The following ANKRD6 variants were observed in gnomAD, a reference collection of about 807,000 sequenced individuals.
The protein encoded by ANKRD6 is ankyrin repeat domain 6.
ANKRD6 carries 56 observed loss-of-function variants against 82.3 expected under a neutral mutation model. That is an observed-to-expected ratio of 0.68 (90% CI 0.55 to 0.85). The LOEUF (loss-of-function observed/expected upper bound fraction) is 0.85. ANKRD6 is among the 40% of genes least tolerant of loss of function. ANKRD6 has a pLI of 0.00. For synonymous variants in ANKRD6, 347 were observed against 352.1 expected (o/e 0.99, Z 0.16); for missense variants, 852 against 907.6 (o/e 0.94, Z 0.79).
intron 1 of ANKRD6, among the ~76,000 whole-genome samples, chr6:89,551,771 C>T (rs999350248): frequency 6.6e-6 from 1 of 152,206 alleles, no homozygotes; most frequent in African/African-American, 2.4e-5. Context: ...TGCTGAATCT[C>T]AGCTAATTTT....
chr6:89,519,950 C>G (rs191248676), intron 1 of ANKRD6, among the ~76,000 whole-genome samples: 68 of 152,284 alleles, frequency 4.5e-4, no homozygotes, highest in Middle Eastern at 6.8e-3. Context: ...CAAATGAACT[C>G]AAGTTATGAG....
At chr6:89,478,115 G>A (rs933293621) in intron 1 of ANKRD6, 3 of 152,022 alleles carry the variant, frequency 2.0e-5, no homozygotes, top group African/African-American at 7.2e-5. Context: ...CAATATGATT[G>A]GTGTCTTTAT....
intron 2 of ANKRD6, among the ~76,000 whole-genome samples, chr6:89,567,858 G>A (rs1047030534): frequency 3.3e-5 from 5 of 152,168 alleles, no homozygotes; most frequent in African/African-American, 9.7e-5. Context: ...TGGTGGAAAT[G>A]CAACTTGTAC....
chr6:89,595,185 G>A lies in ANKRD6; in HGVS notation c.121-731G>A, dbSNP rs577840383. Reference sequence around the variant, plus strand: ...TCAAGACCAGCCTGGCCAACATGGTGAAACCCTGTCTACTTGAAATACAGA... The same window carrying A: ...TCAAGACCAGCCTGGCCAACATGGTAAAACCCTGTCTACTTGAAATACAGA... On this transcript the variant is annotated intron_variant, in intron 2 of 15. Coordinates refer to ENST00000339746, the MANE Select transcript of ANKRD6 (RefSeq NM_001242809.2). Among the ~76,000 whole-genome samples, 23 of 152,288 alleles carry A rather than the reference G, an allele frequency of 1.5e-4. No homozygotes were observed. The South Asian group carries it at 1.9e-3, about 12-fold the overall frequency.
At chr6:89,460,000 A>G (rs950274913) in intron 1 of ANKRD6, among the ~76,000 whole-genome samples, 1 of 152,058 alleles carries the variant, frequency 6.6e-6, no homozygotes, top group African/African-American at 2.4e-5. Flanking sequence ...TGGAGAGCAT[A>G]CATTCTAAGA....
intron 1 of ANKRD6, among the ~76,000 whole-genome samples, chr6:89,536,068 T>TA (rs1194868027): frequency 6.6e-6 from 1 of 152,124 alleles, no homozygotes; most frequent in Non-Finnish European, 1.5e-5. Context: ...CCATCTCTAC[T>TA]AAAATACCAA....
chr6:89,583,026 T>G (rs1792922593), intron 2 of ANKRD6, among the ~76,000 whole-genome samples: 1 of 152,206 alleles, frequency 6.6e-6, no homozygotes, highest in African/African-American at 2.4e-5. Flanking sequence ...TGTAACCACC[T>G]TTAGAGCCTT....
intron 1 of ANKRD6, among the ~76,000 whole-genome samples, chr6:89,483,947 G>A (rs189917447): frequency 5.3e-5 from 8 of 152,074 alleles, no homozygotes; most frequent in East Asian, 3.9e-4. Context: ...ACAGAGTCTC[G>A]TGCTGTTGCC....
chr6:89,502,573 G>A (rs1779383368), intron 1 of ANKRD6, among the ~76,000 whole-genome samples: 1 of 152,044 alleles, frequency 6.6e-6, no homozygotes, highest in African/African-American at 2.4e-5. Flanking sequence ...AAAGCTTACA[G>A]CCTAGTCTTA....
intron 2 of ANKRD6, among the ~76,000 whole-genome samples, chr6:89,570,997 C>G (rs1194164914): frequency 1.3e-5 from 2 of 152,214 alleles, no homozygotes; most frequent in African/African-American, 4.8e-5. Context: ...GTGCTACCAA[C>G]AGTGCACAAG....
chr6:89,462,233 A>AAATAATAAAAATAATAATAATAAT (rs375567283), intron 1 of ANKRD6, among the ~76,000 whole-genome samples: 9 of 106,036 alleles, frequency 8.5e-5, no homozygotes, highest in South Asian at 2.9e-4. Flanking sequence ...CTCCATCTCA[A>AAATAATAAAAATAATAATAATAAT]AATAATAATA....
intron 1 of ANKRD6, among the ~76,000 whole-genome samples, chr6:89,482,405 T>C (rs1380463136): frequency 1.3e-5 from 2 of 152,246 alleles, no homozygotes; most frequent in Non-Finnish European, 2.9e-5. Flanking sequence ...TAAATCATTC[T>C]TTCTACATTA....
At chr6:89,563,018 A>G (rs762809986) in intron 1 of ANKRD6, 10 of 152,192 alleles carry the variant, frequency 6.6e-5, no homozygotes, top group Non-Finnish European at 1.2e-4. Flanking sequence ...GGTGGGTTGT[A>G]CATAATGCCT....
At position 89,553,330 on chromosome 6, in the gene ANKRD6, G is replaced by T. The variant is rs182851630; in HGVS notation, c.-143-13504G>T. ...TATGTGTCACTGGGAGAGATTGAGCGTGTGCCTGAGGATGGCGGGCTCACT... is the reference window on the plus strand; with the variant it reads ...TATGTGTCACTGGGAGAGATTGAGCTTGTGCCTGAGGATGGCGGGCTCACT... On this transcript the variant is annotated intron_variant, in intron 1 of 15. Coordinates refer to ENST00000339746, the MANE Select transcript of ANKRD6 (RefSeq NM_001242809.2). Among the ~76,000 whole-genome samples, 11 of 152,340 alleles carry T rather than the reference G, an allele frequency of 7.2e-5. No homozygotes were observed. The East Asian group carries it at 2.1e-3, about 29-fold the overall frequency.
At chr6:89,497,851 C>A (rs1275576259) in intron 1 of ANKRD6, among the ~76,000 whole-genome samples, 1 of 152,156 alleles carries the variant, frequency 6.6e-6, no homozygotes, top group Non-Finnish European at 1.5e-5. Flanking sequence ...CAAAAAGTTT[C>A]CTAATGCCAT....
At chr6:89,627,130 C>G (rs1322100974) in intron 13 of ANKRD6, among the ~76,000 whole-genome samples, 1 of 146,162 alleles carries the variant, frequency 6.8e-6, no homozygotes, top group Non-Finnish European at 1.5e-5. Context: ...TTTTTTGGCT[C>G]ACTGCAACCT....
rs376432465 is a variant in ANKRD6, at chr6:89,511,524, C to T, written c.-143-55310C>T. ...GCACTCTGAAGCTTGAGGGCCAGAT[C>T]TGCCATTTATTAGCTGTGAATCTCC... On this transcript the variant is annotated intron_variant, in intron 1 of 15. Transcript: ENST00000339746. 2.0e-3 allele frequency among the ~76,000 whole-genome samples: 303 copies of T among 152,368 alleles called. 10 individuals are homozygous for T. In the South Asian group the frequency reaches 0.061, roughly 31 times the overall value.
chr6:89,564,619 C>T (rs886747193), intron 1 of ANKRD6, among the ~76,000 whole-genome samples: 2 of 152,130 alleles, frequency 1.3e-5, no homozygotes, highest in African/African-American at 4.8e-5. Flanking sequence ...GGAGGCTGCA[C>T]AGCACTGCTG....
intron 1 of ANKRD6, among the ~76,000 whole-genome samples, chr6:89,505,202 G>T (rs972988866): frequency 6.6e-6 from 1 of 152,124 alleles, no homozygotes; most frequent in Non-Finnish European, 1.5e-5. Context: ...CTGTCCTCCC[G>T]TATGCACCAT....
Sources: gnomAD v4.1 joint callset for allele counts (sites outside exome capture counted in the v4.1 genomes callset) on GRCh38, gnomAD v4.1.1 for gene constraint, MANE v1.5 for transcripts, NCBI Gene and HGNC (gene_info 2026-07-23, HGNC 2026-07-21) for gene names.